The following CFTR variants were observed in gnomAD, a reference collection of about 807,000 sequenced individuals.
The protein encoded by CFTR is cystic fibrosis transmembrane conductance regulator.
Under a neutral mutation model 171.6 loss-of-function variants are expected in CFTR, and 181 were observed. The observed-to-expected ratio is 1.05, with a 90% CI of 0.93 to 1.19. CFTR has a LOEUF of 1.19. CFTR is among the 50% of genes most tolerant of loss of function. The pLI, the probability that CFTR is intolerant of heterozygous loss-of-function variation, is 0.00. For missense variants in CFTR, 1,968 were observed against 1,734.7 expected (o/e 1.13, Z -2.39); for synonymous variants, 583 against 608.0 (o/e 0.96, Z 0.60).
Position 117,531,047 on chromosome 7 carries a change from C to A in CFTR, c.422C>A (p.Ala141Asp), listed in dbSNP as rs397508700. ...GTGAGGACACTGCTCCTACACCCAG[C>A]CATTTTTGGCCTTCATCACATTGGA... ...FIVRTLLLHP[A>D]IFGLHHIGMQ... The change falls in exon 4 of 27, where the codon GCC becomes GAC. Residue 141 changes from alanine (A) to aspartate (D), a missense_variant. Coordinates refer to ENST00000003084, the MANE Select transcript of CFTR (RefSeq NM_000492.4). The A allele has an allele frequency of 1.2e-6, 2 of 1,613,608 alleles. No homozygotes were observed. Among genetic ancestry groups the A allele is most frequent in the South Asian group, 1.1e-5 (1 of 91,052 alleles).
Position 117,542,109 on chromosome 7 carries a change from G to A in CFTR, c.1209+1G>A, listed in dbSNP as rs397508176. ...GAATGTAACAGCCTTCTGGGAGGAG[G>A]TCAGAATTTTTAAAAAATTGTTTGC... On this transcript the variant is annotated splice_donor_variant, in intron 9 of 26. Transcript: ENST00000003084. LOFTEE classifies it high-confidence loss of function. The A allele has an allele frequency of 6.4e-7, 1 of 1,555,434 alleles. No homozygotes were observed. The highest frequency in any genetic ancestry group is 8.9e-7 in the Non-Finnish European group (1 of 1,126,790).
intron 2 of CFTR, among the ~76,000 whole-genome samples, chr7:117,505,208 G>A (rs1798394733): frequency 6.6e-6 from 1 of 152,138 alleles, no homozygotes; most frequent in Admixed American, 6.6e-5. Context: ...AATGAATGAT[G>A]GAGCCATGAT....
chr7:117,508,153 G>A (rs1046199593), intron 2 of CFTR, among the ~76,000 whole-genome samples: 2 of 152,216 alleles, frequency 1.3e-5, no homozygotes, highest in South Asian at 2.1e-4. Context: ...CTGATGAAAC[G>A]TAAAGCCTTT....
At chr7:117,649,649 C>A (rs914839572) in intron 23 of CFTR, among the ~76,000 whole-genome samples, 1 of 151,488 alleles carries the variant, frequency 6.6e-6, no homozygotes, top group African/African-American at 2.4e-5. Flanking sequence ...CATATCAGTC[C>A]ATTTATTTAT....
At chr7:117,547,405 A>T (rs1799164484) in intron 9 of CFTR, among the ~76,000 whole-genome samples, 3 of 152,074 alleles carry the variant, frequency 2.0e-5, no homozygotes, top group Admixed American at 6.6e-5. Flanking sequence ...TAATTTATAA[A>T]ATTGGTTCTT....
intron 14 of CFTR, 23 bp from the exon 15 acceptor site, chr7:117,594,907 A>G (rs397508385): frequency 6.2e-7 from 1 of 1,610,726 alleles, no homozygotes; most frequent in South Asian, 1.1e-5. Context: ...TCTTATTGTA[A>G]TAGCCATAAT....
chr7:117,616,255 A>C (rs1014466473), intron 21 of CFTR: 8 of 151,284 alleles, frequency 5.3e-5, no homozygotes, highest in Non-Finnish European at 1.2e-4. Context: ...TAGTTTGATC[A>C]GCTCTCTTTA....
Position 117,603,748 on chromosome 7 carries a change from A to G in CFTR, c.2874A>G (p.Gln958=), listed in dbSNP as rs1423987631. The G allele has an allele frequency of 6.2e-7, 1 of 1,614,056 alleles. No individual in the cohort carries two copies. The highest frequency in any genetic ancestry group is 8.5e-7 in the Non-Finnish European group (1 of 1,179,948). ...ACAAAATGTTACATTCTGTTCTTCA[A>G]GCACCTATGTCAACCCTCAACACGT... The part of the protein sequence containing the change: ...LHHKMLHSVL[Q]APMSTLNTLK... Residue 958 remains glutamine (Q), a synonymous_variant, in exon 17 of 27, where the codon CAA becomes CAG. Transcript: ENST00000003084.
chr7:117,665,289 C>T (rs1014103899), intron 25 of CFTR, among the ~76,000 whole-genome samples, 170 bp from the exon 26 acceptor site: 1 of 152,136 alleles, frequency 6.6e-6, no homozygotes, highest in Admixed American at 6.5e-5. Context: ...TTAGAGTCTA[C>T]CCCATGGTTG....
At chr7:117,486,814 T>C (rs910295678) in intron 1 of CFTR, among the ~76,000 whole-genome samples, 1 of 147,574 alleles carries the variant, frequency 6.8e-6, no homozygotes, top group Non-Finnish European at 1.5e-5. Context: ...TCAGTTCATA[T>C]ACTGTTGCAG....
At position 117,487,456 on chromosome 7, in the gene CFTR, G is replaced by A. The variant is rs1584767422; in HGVS notation, c.53+7309G>A. On this transcript the variant is annotated intron_variant, in intron 1 of 26. Coordinates refer to ENST00000003084, the MANE Select transcript of CFTR (RefSeq NM_000492.4). ...TTTAGGCAGTGCTTTTCACATCACG[G>A]GACACAACATATGAGAGATCATAGA... 2.6e-5 allele frequency among the ~76,000 whole-genome samples: 4 copies of A among 152,022 alleles called. No homozygotes were observed. The South Asian group carries it at 8.3e-4, about 32-fold the overall frequency.
chr7:117,519,531 T>G (rs527973665), intron 3 of CFTR, among the ~76,000 whole-genome samples: 1 of 152,146 alleles, frequency 6.6e-6, no homozygotes, highest in African/African-American at 2.4e-5. Context: ...TATTTATTAT[T>G]GTAAGTTGTA....
At position 117,665,516 on chromosome 7, in the gene CFTR, T is replaced by G; in HGVS notation, c.4194T>G (p.Ile1398Met). 1 of 1,613,474 alleles carries G rather than the reference T, an allele frequency of 6.2e-7. No homozygotes were observed. Among genetic ancestry groups the G allele is most frequent in the Non-Finnish European group, 8.5e-7 (1 of 1,179,542 alleles). Residue 1398 changes from isoleucine (I) to methionine (M), a missense_variant, in exon 26 of 27, where the codon ATT becomes ATG. Ile to Met is a conservative substitution (Grantham distance 10). Transcript: ENST00000003084. ...LKQAFADCTVILCEHRIEAML... is the reference protein window; with the variant it reads ...LKQAFADCTVMLCEHRIEAML... ...AAGCATTTGCTGATTGCACAGTAAT[T>G]CTCTGTGAACACAGGATAGAAGCAA...
At chr7:117,599,848 C>A (rs1043294651) in intron 15 of CFTR, among the ~76,000 whole-genome samples, 1 of 152,006 alleles carries the variant, frequency 6.6e-6, no homozygotes, top group African/African-American at 2.4e-5. Flanking sequence ...TTCTCATTAC[C>A]ATTGAAATGT....
At chr7:117,493,279 A>G (rs1207025830) in intron 1 of CFTR, among the ~76,000 whole-genome samples, 1 of 152,092 alleles carries the variant, frequency 6.6e-6, no homozygotes, top group Non-Finnish European at 1.5e-5. Flanking sequence ...TCAATTATCT[A>G]TTACTGTATG....
chr7:117,658,743 G>T (rs1180136839), intron 24 of CFTR, among the ~76,000 whole-genome samples: 1 of 152,090 alleles, frequency 6.6e-6, no homozygotes, highest in Admixed American at 6.6e-5. Flanking sequence ...TGTCAATGCT[G>T]TCCCTGGGGA....
At chr7:117,485,999 A>G (rs1244380189) in intron 1 of CFTR, among the ~76,000 whole-genome samples, 1 of 152,162 alleles carries the variant, frequency 6.6e-6, no homozygotes, top group Non-Finnish European at 1.5e-5. Context: ...TGCTGGCATC[A>G]TTTTGATAAA....
intron 24 of CFTR, among the ~76,000 whole-genome samples, chr7:117,657,674 G>A (rs1257884048): frequency 6.6e-6 from 1 of 152,202 alleles, no homozygotes; most frequent in East Asian, 1.9e-4. Flanking sequence ...AAACCAGGAT[G>A]TATGTCATCT....
intron 4 of CFTR, among the ~76,000 whole-genome samples, chr7:117,532,598 A>G (rs930500835): frequency 3.3e-5 from 5 of 152,224 alleles, no homozygotes; most frequent in Non-Finnish European, 7.3e-5. Flanking sequence ...GGCATGGGCT[A>G]AACGGGTGTA....
Sources: allele counts gnomAD v4.1 joint callset (sites outside exome capture counted in the v4.1 genomes callset), GRCh38; gene constraint gnomAD v4.1.1; transcripts MANE v1.5; gene names NCBI Gene and HGNC (gene_info 2026-07-23, HGNC 2026-07-21).